SEMA6D: variants seen among roughly 807,000 people sequenced by gnomAD.
SEMA6D encodes semaphorin-6D.
A neutral mutation model predicts 106.6 loss-of-function variants in SEMA6D; 35 were observed. The ratio of observed to expected loss-of-function variants is 0.33; its 90% CI spans 0.25 to 0.44. The LOEUF is 0.44. Among genes scored for constraint, SEMA6D ranks in the 20% least tolerant of loss-of-function variants. The probability of loss-of-function intolerance (pLI) is 1.00; values close to 1 mark genes in which losing one functional copy is unlikely to be tolerated. For missense variants in SEMA6D, 1,185 were observed against 1,345.9 expected, an observed-to-expected ratio of 0.88 and a Z score of 1.87; for synonymous variants, 499 against 487.7, an observed-to-expected ratio of 1.02 and a Z score of -0.31.
At chr15:47,484,655 A>C (rs2141343431) in intron 3 of SEMA6D, among the ~76,000 whole-genome samples, 1 of 152,322 alleles carries the variant, frequency 6.6e-6, no homozygotes, top group Non-Finnish European at 1.5e-5. Flanking sequence ...CAAGCCATGA[A>C]GATCCAGGCA....
At chr15:47,385,763 C>G (rs2039815931) in intron 1 of SEMA6D, among the ~76,000 whole-genome samples, 1 of 152,112 alleles carries the variant, frequency 6.6e-6, no homozygotes, top group Non-Finnish European at 1.5e-5. Flanking sequence ...AATCCCAAGT[C>G]AAGGACATCT....
chr15:47,747,215 A>G (rs1425001849), intron 1 of SEMA6D, among the ~76,000 whole-genome samples: 1 of 152,086 alleles, frequency 6.6e-6, no homozygotes, highest in East Asian at 1.9e-4. Flanking sequence ...ATGTTATTCA[A>G]TTTGAGTTAG....
chr15:47,748,304 G>A (rs990252488), intron 1 of SEMA6D, among the ~76,000 whole-genome samples: 3 of 152,228 alleles, frequency 2.0e-5, no homozygotes, highest in African/African-American at 7.2e-5. Flanking sequence ...GTGCCACAGC[G>A]AAGTCCTGTC....
intron 4 of SEMA6D, among the ~76,000 whole-genome samples, chr15:47,689,476 AG>A (rs1178048176): frequency 6.6e-6 from 1 of 152,252 alleles, no homozygotes; most frequent in Non-Finnish European, 1.5e-5. Flanking sequence ...ATCTTAGAAT[AG>A]GAATCCTGGG....
chr15:47,286,781 G>T (rs1482446133), intron 1 of SEMA6D, among the ~76,000 whole-genome samples: 2 of 152,122 alleles, frequency 1.3e-5, no homozygotes, highest in Non-Finnish European at 2.9e-5. Context: ...ATATCCTCTA[G>T]CTCTCAATGG....
chr15:47,663,985 C>T (rs2145242068), intron 4 of SEMA6D, among the ~76,000 whole-genome samples: 1 of 152,290 alleles, frequency 6.6e-6, no homozygotes, highest in South Asian at 2.1e-4. Context: ...TACCAGACTT[C>T]ATCGAACTTT....
At chr15:47,476,438 G>A (rs1299456453) in intron 3 of SEMA6D, among the ~76,000 whole-genome samples, 1 of 152,032 alleles carries the variant, frequency 6.6e-6, no homozygotes, top group Admixed American at 6.6e-5. Flanking sequence ...GTTATCTCCA[G>A]GTTTAATTAA....
chr15:47,746,055 C>G (rs1369511547), intron 1 of SEMA6D, among the ~76,000 whole-genome samples: 1 of 152,120 alleles, frequency 6.6e-6, no homozygotes, highest in Non-Finnish European at 1.5e-5. Flanking sequence ...AGACAGGCAA[C>G]TGTTACTGTA....
chr15:47,755,769 A>G (rs1343759025), intron 1 of SEMA6D, among the ~76,000 whole-genome samples: 1 of 151,652 alleles, frequency 6.6e-6, no homozygotes, highest in East Asian at 1.9e-4. Context: ...CTTTATAGCT[A>G]TACTCTCATT....
At chr15:47,684,440 TTTATC>T (rs2078427957) in intron 4 of SEMA6D, among the ~76,000 whole-genome samples, 1 of 152,058 alleles carries the variant, frequency 6.6e-6, no homozygotes, top group Admixed American at 6.6e-5. Context: ...ATATCCTCAT[TTTATC>T]TTTTAAAAAG....
intron 3 of SEMA6D, among the ~76,000 whole-genome samples, chr15:47,474,732 A>G (rs75386954): frequency 0.02 from 3,097 of 152,300 alleles, 111 homozygotes; most frequent in African/African-American, 0.071. Flanking sequence ...ATGCTCAGCA[A>G]ATGGTCCCTT....
chr15:47,190,825 T>C (rs1325688588), intron 1 of SEMA6D, among the ~76,000 whole-genome samples: 1 of 152,186 alleles, frequency 6.6e-6, no homozygotes. Context: ...TTCTTAAAGA[T>C]TGTTAAAAAG....
chr15:47,621,647 G>C (rs2144214782), intron 4 of SEMA6D, among the ~76,000 whole-genome samples: 1 of 152,178 alleles, frequency 6.6e-6, no homozygotes, highest in Non-Finnish European at 1.5e-5. Context: ...AAGTGGTAAA[G>C]GTCTTCCTCC....
At chr15:47,405,149 G>GGGCT (rs2040520140) in intron 1 of SEMA6D, among the ~76,000 whole-genome samples, 1 of 152,146 alleles carries the variant, frequency 6.6e-6, no homozygotes. Flanking sequence ...AAGAAGGACA[G>GGGCT]GGCTGTTCAG....
chr15:47,367,692 GCACACACACACACA>G lies in SEMA6D; in HGVS notation c.-238-44678_-238-44665del, dbSNP rs72057750. ...CGCACGCTCACACGCGCGCGCGCGC[GCACACACACACACA>G]CACACACACACACACACACACAGAG... On this transcript the variant is annotated intron_variant, in intron 1 of 19. Coordinates refer to the SEMA6D transcript ENST00000558014. Among the ~76,000 whole-genome samples the G allele has an allele frequency of 3.9e-3, 284 of 73,488 alleles. 2 individuals are homozygous for G. Among genetic ancestry groups the G allele is most frequent in the African/African-American group, 0.011 (258 of 24,388 alleles). The allele number at this position is 73,488 out of a possible 152,430, so 48.2% of individuals were successfully genotyped here.
intron 4 of SEMA6D, among the ~76,000 whole-genome samples, chr15:47,659,762 G>GA (rs2077879383): frequency 6.6e-6 from 1 of 152,038 alleles, no homozygotes; most frequent in African/African-American, 2.4e-5. Flanking sequence ...ACAGGTTACT[G>GA]AAAAAATATG....
In SEMA6D at chr15:47,192,926, C is replaced by G. The variant is rs539163008; in HGVS notation, c.-239+8508C>G. Among the ~76,000 whole-genome samples, 4 of 152,286 alleles carry G rather than the reference C, an allele frequency of 2.6e-5. No individual in the cohort carries two copies. The East Asian group carries it at 7.7e-4, about 29-fold the overall frequency. On this transcript the variant is annotated intron_variant, in intron 1 of 19. Transcript: ENST00000558014. ...CTCTTACCTAGTATATCCAATCCACCAAATTTCATAGAATTAACTGCTAAA... is the reference window on the plus strand; with the variant it reads ...CTCTTACCTAGTATATCCAATCCACGAAATTTCATAGAATTAACTGCTAAA...
At chr15:47,266,970 T>G (rs1164817636) in intron 1 of SEMA6D, among the ~76,000 whole-genome samples, 1 of 152,176 alleles carries the variant, frequency 6.6e-6, no homozygotes, top group African/African-American at 2.4e-5. Context: ...TTTCATCTGT[T>G]TCACTGGGAA....
At chr15:47,378,000 C>A (rs564744091) in intron 1 of SEMA6D, among the ~76,000 whole-genome samples, 10 of 152,184 alleles carry the variant, frequency 6.6e-5, no homozygotes, top group African/African-American at 2.4e-4. Flanking sequence ...AAATGTTGTT[C>A]ATGGGAAGGA....
Sources: gnomAD v4.1 joint callset for allele counts (sites outside exome capture counted in the v4.1 genomes callset) on GRCh38, gnomAD v4.1.1 for gene constraint, MANE v1.5 for transcripts, NCBI Gene and HGNC (gene_info 2026-07-23, HGNC 2026-07-21) for gene names.